Variants in SHTN1 observed in about 807,000 individuals in gnomAD.
The protein encoded by SHTN1 is shootin-1.
In SHTN1, 42 loss-of-function variants were observed where a neutral mutation model predicts 83.1. The observed-to-expected ratio is 0.51, with a 90% CI of 0.39 to 0.65. The LOEUF is 0.65. SHTN1 is among the 30% of genes least tolerant of loss of function. SHTN1 has a pLI of 0.00. For missense variants in SHTN1, 622 were observed against 737.8 expected (o/e 0.84, Z 1.82); for synonymous variants, 224 against 247.7 (o/e 0.90, Z 0.90).
At chr10:116,886,903 T>A (rs1218449791) in intron 16 of SHTN1, among the ~76,000 whole-genome samples, 1 of 151,680 alleles carries the variant, frequency 6.6e-6, no homozygotes, top group East Asian at 1.9e-4. Flanking sequence ...CACAGCCTGC[T>A]GCCCAGACCC....
chr10:116,976,492 A>G (rs1303430102), intron 2 of SHTN1, among the ~76,000 whole-genome samples: 1 of 152,150 alleles, frequency 6.6e-6, no homozygotes, highest in Non-Finnish European at 1.5e-5. Flanking sequence ...TGGCAAAAGG[A>G]GTCTTACTTT....
At chr10:117,016,908 T>G (rs1390242755) in intron 2 of SHTN1, among the ~76,000 whole-genome samples, 1 of 152,148 alleles carries the variant, frequency 6.6e-6, no homozygotes, top group Non-Finnish European at 1.5e-5. Flanking sequence ...CATAATTATA[T>G]CCTAGTTTTG....
intron 1 of SHTN1, among the ~76,000 whole-genome samples, chr10:117,089,648 G>A (rs926677111): frequency 1.2e-4 from 18 of 151,932 alleles, no homozygotes; most frequent in African/African-American, 3.9e-4. Flanking sequence ...AACAGAATGA[G>A]AAGAAAACAT....
intron 1 of SHTN1, among the ~76,000 whole-genome samples, chr10:116,996,236 T>G (rs995191326): frequency 6.6e-6 from 1 of 152,174 alleles, no homozygotes; most frequent in Admixed American, 6.5e-5. Context: ...CCCTGTTCAT[T>G]GTTTTTGAGA....
chr10:116,901,288 T>C, intron 16 of SHTN1: 1 of 985,356 alleles, frequency 1.0e-6, no homozygotes, highest in Middle Eastern at 5.2e-4. Flanking sequence ...GATAACTCTT[T>C]ACATAGTATG....
Position 116,908,601 on chromosome 10 carries a change from C to T in SHTN1, c.1360-1854G>A, listed in dbSNP as rs116178323. On this transcript the variant is annotated intron_variant, in intron 14 of 16. Coordinates refer to ENST00000355371, the MANE Select transcript of SHTN1 (RefSeq NM_001127211.3). ...ATCACTACTAAAATAAGTTGTAAAA[C>T]TACTACATTGTTTCAATAGCAAGGA... Among the ~76,000 whole-genome samples the T allele has an allele frequency of 3.5e-3, 526 of 152,256 alleles. 5 individuals are homozygous for T. Among genetic ancestry groups the T allele is most frequent in the African/African-American group, 0.012 (503 of 41,554 alleles).
intron 1 of SHTN1, among the ~76,000 whole-genome samples, chr10:117,054,640 C>T (rs1852801216): frequency 6.6e-6 from 1 of 151,948 alleles, no homozygotes; most frequent in African/African-American, 2.4e-5. Flanking sequence ...ATCTCTTGAC[C>T]TTGTGATCCG....
intron 2 of SHTN1, among the ~76,000 whole-genome samples, chr10:117,032,031 CAT>C (rs771396040): frequency 3.2e-4 from 45 of 139,574 alleles, no homozygotes; most frequent in Non-Finnish European, 5.8e-4. Flanking sequence ...TAAAGACACA[CAT>C]AGACTGAAAA....
chr10:117,005,229 G>T, upstream of SHTN1: 1 of 1,496,052 alleles, frequency 6.7e-7, no homozygotes. Flanking sequence ...CTGGCGCGGA[G>T]CGCGCGAGTG....
chr10:117,015,942 A>G (rs1051104425), intron 2 of SHTN1, among the ~76,000 whole-genome samples: 59 of 152,078 alleles, frequency 3.9e-4, no homozygotes, highest in African/African-American at 1.4e-3. Flanking sequence ...ATGTTATGCT[A>G]TTTTGTTTTT....
intron 2 of SHTN1, among the ~76,000 whole-genome samples, chr10:117,015,117 G>C (rs954029362): frequency 6.6e-6 from 1 of 151,974 alleles, no homozygotes; most frequent in Non-Finnish European, 1.5e-5. Context: ...GGTCCTTCAA[G>C]GAAGGCATTT....
chr10:116,886,439 G>C lies in SHTN1; in HGVS notation c.1801C>G (p.Pro601Ala), dbSNP rs1043130751. 1.9e-6 allele frequency: 3 copies of C among 1,611,652 alleles called. No homozygotes were observed. The highest frequency in any genetic ancestry group is 2.5e-6 in the Non-Finnish European group (3 of 1,178,656). ...QTKDQVAEKD[P>A]TQHKEDEGEI... is the part of the protein sequence containing the mutation. ...CCTTCATCCTCCTTGTGTTGAGTTG[G>C]ATCTTTTTCAGCAACCTGGTCTTTG... The change falls in exon 17 of 17, where the codon CCA becomes GCA. Residue 601 changes from proline (P) to alanine (A), a missense_variant. This residue lies in a region of SHTN1 where 231 missense variants were observed against 251.6 expected (regional missense o/e 0.92). Coordinates refer to ENST00000355371, the MANE Select transcript of SHTN1 (RefSeq NM_001127211.3).
intron 2 of SHTN1, among the ~76,000 whole-genome samples, chr10:117,021,858 T>TATAGGACTTAGCTAGGGA (rs1363967091): frequency 1.3e-5 from 2 of 152,222 alleles, no homozygotes; most frequent in East Asian, 3.8e-4. Context: ...TTGGCTGTGG[T>TATAGGACTTAGCTAGGGA]ATAGGACTTA....
chr10:117,048,418 A>T, intron 2 of SHTN1: 1 of 928,574 alleles, frequency 1.1e-6, no homozygotes, highest in Non-Finnish European at 1.3e-6. Flanking sequence ...AGCTGATTAG[A>T]CACATCGGCA....
At chr10:116,962,966 C>G (rs1226423234) in intron 3 of SHTN1, among the ~76,000 whole-genome samples, 1 of 144,350 alleles carries the variant, frequency 6.9e-6, no homozygotes, top group East Asian at 2.1e-4. Flanking sequence ...AACCAAAAGT[C>G]AAGTCACATG....
intron 1 of SHTN1, among the ~76,000 whole-genome samples, chr10:116,987,170 C>G (rs1851249141): frequency 6.6e-6 from 1 of 152,128 alleles, no homozygotes; most frequent in Non-Finnish European, 1.5e-5. Flanking sequence ...ACGCCAGCCC[C>G]CACTAGCCTT....
rs554727123 is a variant in SHTN1, at chr10:117,106,183, G to A, written c.-189+20124C>T. Among the ~76,000 whole-genome samples, 4 of 152,106 alleles carry A rather than the reference G, an allele frequency of 2.6e-5. No homozygotes were observed. In the South Asian group the frequency reaches 8.3e-4, roughly 32 times the overall value. ...AATAACAAACAGCTCTGGGCCAGGC[G>A]CCGTGGCTCACGCCTGTAATCCCAG... On this transcript the variant is annotated intron_variant, in intron 1 of 17. Transcript: ENST00000392901.
At chr10:117,028,509 C>T (rs1302318878) in intron 2 of SHTN1, among the ~76,000 whole-genome samples, 1 of 152,200 alleles carries the variant, frequency 6.6e-6, no homozygotes, top group East Asian at 1.9e-4. Flanking sequence ...CCTCCCATCA[C>T]AGGCACAGAG....
chr10:117,090,364 T>C (rs537107676), intron 1 of SHTN1, among the ~76,000 whole-genome samples: 24 of 152,234 alleles, frequency 1.6e-4, no homozygotes, highest in Admixed American at 1.2e-3. Flanking sequence ...GTCAGATTCA[T>C]AGAGACAGAA....
Sources: allele counts gnomAD v4.1 joint callset (sites outside exome capture counted in the v4.1 genomes callset), GRCh38; gene constraint gnomAD v4.1.1; regional missense constraint gnomAD v4.1.1; transcripts MANE v1.5; gene names NCBI Gene and HGNC (gene_info 2026-07-23, HGNC 2026-07-21).